RALGPS1: variants seen among roughly 807,000 people sequenced by gnomAD.
RALGPS1 encodes Ral GEF with PH domain and SH3 binding motif 1, also known as ras-specific guanine nucleotide-releasing factor RalGPS1.
Under a neutral mutation model 78.8 loss-of-function variants are expected in RALGPS1, and 19 were observed. The ratio of observed to expected loss-of-function variants is 0.24; its 90% CI spans 0.17 to 0.35. The LOEUF is 0.35. Among genes scored for constraint, RALGPS1 ranks in the 10% least tolerant of loss-of-function variants. RALGPS1 has a pLI of 1.00. For missense variants in RALGPS1, 454 were observed against 688.3 expected (o/e 0.66, Z 3.81); for synonymous variants, 228 against 256.3 (o/e 0.89, Z 1.06).
chr9:126,950,112 T>C (rs906021779), intron 1 of RALGPS1, among the ~76,000 whole-genome samples: 1 of 152,186 alleles, frequency 6.6e-6, no homozygotes, highest in Non-Finnish European at 1.5e-5. Context: ...TTGTCAAAGA[T>C]CAGATAGTTG....
chr9:126,934,606 G>A (rs2036092827), intron 1 of RALGPS1, among the ~76,000 whole-genome samples: 1 of 152,110 alleles, frequency 6.6e-6, no homozygotes, highest in Non-Finnish European at 1.5e-5. Context: ...ATGTGTTAGG[G>A]GCTTCTTCAC....
chr9:126,992,122 C>A (rs10819261), intron 4 of RALGPS1, among the ~76,000 whole-genome samples: 26,346 of 152,148 alleles, frequency 0.17, 3,005 homozygotes, highest in East Asian at 0.44. Context: ...AGAGAAGGAC[C>A]TGGATTTTTA....
intron 1 of RALGPS1, among the ~76,000 whole-genome samples, chr9:126,924,550 T>G (rs1181049598): frequency 2.0e-5 from 3 of 152,224 alleles, no homozygotes; most frequent in Non-Finnish European, 4.4e-5. Context: ...ACTCCCACTT[T>G]CCATGTAAAC....
chr9:127,218,900 G>A lies in RALGPS1; in HGVS notation c.*131G>A, dbSNP rs1000740836. On this transcript the variant is annotated 3_prime_UTR_variant, in exon 19 of 19. Transcript: ENST00000259351. This position sits in a 1 kb window ranked among gnomAD's most constrained non-coding sequence, Gnocchi z 4.4. ...ACTCACAGCTGGACTCAGGGGACACGGCCTGTGGCCTCACCATCCCAGAGG... is the reference window on the plus strand; with the variant it reads ...ACTCACAGCTGGACTCAGGGGACACAGCCTGTGGCCTCACCATCCCAGAGG... 17 of 1,038,902 alleles carry A rather than the reference G, an allele frequency of 1.6e-5. No individual in the cohort carries two copies. Among genetic ancestry groups the A allele is most frequent in the African/African-American group, 7.9e-5 (5 of 63,300 alleles). The allele number at this position is 1,038,902 out of a possible 1,614,324, so 64.4% of individuals were successfully genotyped here.
At chr9:126,950,467 GT>G (rs1271816563) in intron 1 of RALGPS1, among the ~76,000 whole-genome samples, 2 of 152,056 alleles carry the variant, frequency 1.3e-5, no homozygotes. Flanking sequence ...TCTTCCATTT[GT>G]TTGTATCCTC....
chr9:127,171,133 T>G (rs888733929), intron 10 of RALGPS1, among the ~76,000 whole-genome samples: 2 of 152,254 alleles, frequency 1.3e-5, no homozygotes, highest in Non-Finnish European at 2.9e-5. Flanking sequence ...CAGCCTTTAT[T>G]CTATTTTATT....
At chr9:127,171,329 T>G (rs2059554876) in intron 10 of RALGPS1, among the ~76,000 whole-genome samples, 1 of 152,194 alleles carries the variant, frequency 6.6e-6, no homozygotes, top group Non-Finnish European at 1.5e-5. Flanking sequence ...CTATTTTTAA[T>G]TTAAAATACT....
chr9:127,068,184 T>A (rs892474009), intron 7 of RALGPS1, among the ~76,000 whole-genome samples: 3 of 152,218 alleles, frequency 2.0e-5, no homozygotes, highest in Admixed American at 6.5e-5. Flanking sequence ...AAAAGAAGGT[T>A]ATCTTCTTTT....
At chr9:127,051,747 C>T (rs56172614) in intron 6 of RALGPS1, among the ~76,000 whole-genome samples, 1 of 152,188 alleles carries the variant, frequency 6.6e-6, no homozygotes, top group African/African-American at 2.4e-5. Context: ...GGGCACTGTA[C>T]TGGGTACCAG....
chr9:127,128,354 A>G (rs1250243872), intron 8 of RALGPS1, among the ~76,000 whole-genome samples: 1 of 152,258 alleles, frequency 6.6e-6, no homozygotes, highest in East Asian at 1.9e-4. Flanking sequence ...TCTCTGACCA[A>G]TCAAGATGCT....
At chr9:126,973,663 T>G (rs2040330139) in intron 3 of RALGPS1, among the ~76,000 whole-genome samples, 1 of 152,162 alleles carries the variant, frequency 6.6e-6, no homozygotes, top group Admixed American at 6.5e-5. Flanking sequence ...TCAGCAGTGT[T>G]AAGTACATTC....
intron 4 of RALGPS1, among the ~76,000 whole-genome samples, chr9:127,025,594 G>C (rs1410055376): frequency 6.6e-6 from 1 of 152,172 alleles, no homozygotes; most frequent in Non-Finnish European, 1.5e-5. Context: ...TTGTCATTTA[G>C]TTTGCATTTC....
In RALGPS1 at chr9:127,117,596, A is replaced by C. The variant is rs1589581406; in HGVS notation, c.610+48240A>C. On this transcript the variant is annotated intron_variant, in intron 8 of 18. Transcript: ENST00000259351. Reference sequence around the variant, plus strand: ...AACTTGGGGGGCTGTGGGGCACCTGACCTAGCCTCAGAAAAGCCCTTGGCT... The same window carrying C: ...AACTTGGGGGGCTGTGGGGCACCTGCCCTAGCCTCAGAAAAGCCCTTGGCT... Among the ~76,000 whole-genome samples the C allele has an allele frequency of 2.0e-5, 3 of 152,344 alleles. No homozygotes were observed. In the South Asian group the frequency reaches 6.2e-4, roughly 32 times the overall value.
At chr9:127,011,502 C>T (rs2044343131) in intron 4 of RALGPS1, among the ~76,000 whole-genome samples, 1 of 152,148 alleles carries the variant, frequency 6.6e-6, no homozygotes, top group African/African-American at 2.4e-5. Flanking sequence ...TATGGAAGTG[C>T]ACTTCCTTGG....
At chr9:127,087,624 TTGG>T (rs1371947403) in intron 8 of RALGPS1, 1 of 152,390 alleles carries the variant, frequency 6.6e-6, no homozygotes, top group Non-Finnish European at 1.5e-5. Context: ...AGGCTGACAC[TTGG>T]TGGCCAACAG....
chr9:127,016,714 AG>A (rs2044863600), intron 4 of RALGPS1: 2 of 152,168 alleles, frequency 1.3e-5, no homozygotes, highest in Non-Finnish European at 2.9e-5. Flanking sequence ...TAAACAACCT[AG>A]GTCAGTCATA....
chr9:126,943,408 G>T (rs2036961412), intron 1 of RALGPS1, among the ~76,000 whole-genome samples: 1 of 152,168 alleles, frequency 6.6e-6, no homozygotes, highest in African/African-American at 2.4e-5. Context: ...TTCCCAAAGT[G>T]CTGGGATTAC....
chr9:127,007,717 G>C (rs2043970515), intron 4 of RALGPS1, among the ~76,000 whole-genome samples: 1 of 152,184 alleles, frequency 6.6e-6, no homozygotes. Flanking sequence ...GCATGGCTGG[G>C]TCACGCCACA....
chr9:127,154,667 C>A (rs890446979), intron 8 of RALGPS1, among the ~76,000 whole-genome samples: 7 of 152,334 alleles, frequency 4.6e-5, no homozygotes, highest in South Asian at 2.1e-4. Flanking sequence ...TACACAGTTT[C>A]CATTGAGTAA....
Sources: allele counts gnomAD v4.1 joint callset (sites outside exome capture counted in the v4.1 genomes callset), GRCh38; gene constraint gnomAD v4.1.1; non-coding constraint Gnocchi (gnomAD v3.1); transcripts MANE v1.5; gene names NCBI Gene and HGNC (gene_info 2026-07-23, HGNC 2026-07-21).